HFM1: variants seen among roughly 807,000 people sequenced by gnomAD.
HFM1 encodes the protein probable ATP-dependent DNA helicase HFM1.
A neutral mutation model predicts 192.1 loss-of-function variants in HFM1; 169 were observed. That is an observed-to-expected ratio of 0.88 (90% CI 0.78 to 1.00). HFM1 has a LOEUF of 1.00. Ranked by LOEUF, HFM1 falls within the 50% of genes least tolerant of loss-of-function variation. The pLI, the probability that HFM1 is intolerant of heterozygous loss-of-function variation, is 0.00. For synonymous variants in HFM1, 525 were observed against 537.8 expected, an observed-to-expected ratio of 0.98 and a Z score of 0.33; for missense variants, 1,661 against 1,668.0, an observed-to-expected ratio of 1.00 and a Z score of 0.07.
At position 91,323,108 on chromosome 1, in the gene HFM1, T is replaced by C. The variant is rs1162936513; in HGVS notation, c.2519A>G (p.Asn840Ser). ...KTLNTLNKDP[N>S]RITIRFPMEG... ...ATTTCTGTACCTGATAGTTATCCGA[T>C]TTGGATCTTTGTTCAAAGTATTCAG... The change falls in exon 22 of 39, where the codon AAT becomes AGT. Residue 840 changes from asparagine to serine, a missense_variant. By Grantham distance (46) the Asn-to-Ser change is conservative (BLOSUM62 1). Coordinates refer to ENST00000370425, the MANE Select transcript of HFM1 (RefSeq NM_001017975.6). 4 of 1,558,508 alleles carry C rather than the reference T, an allele frequency of 2.6e-6. No homozygotes were observed. The highest frequency in any genetic ancestry group is 2.3e-5 in the East Asian group (1 of 44,128).
intron 30 of HFM1, among the ~76,000 whole-genome samples, 161 bp from the exon 31 acceptor site, chr1:91,277,223 A>C (rs79532654): frequency 6.6e-6 from 1 of 150,848 alleles, no homozygotes; most frequent in Non-Finnish European, 1.5e-5. Flanking sequence ...TTTTTTTTTA[A>C]TAAAGAGATA....
intron 30 of HFM1, among the ~76,000 whole-genome samples, chr1:91,283,637 G>T (rs1667663772): frequency 6.6e-6 from 1 of 152,000 alleles, no homozygotes; most frequent in Non-Finnish European, 1.5e-5. Flanking sequence ...TATTTTCATA[G>T]TTTTGCCACA....
At chr1:91,323,226 T>A in intron 21 of HFM1, 27 bp from the exon 22 acceptor site, 1 of 1,173,050 alleles carries the variant, frequency 8.5e-7, no homozygotes, top group Non-Finnish European at 1.3e-6. Flanking sequence ...GTTGTCCATT[T>A]AATGAAGTCT....
intron 11 of HFM1, chr1:91,377,402 C>T (rs1205922785): frequency 6.6e-6 from 1 of 151,742 alleles, no homozygotes; most frequent in African/African-American, 2.4e-5. Context: ...TTATAGTAGG[C>T]TGAGAAGTAA....
intron 7 of HFM1, among the ~76,000 whole-genome samples, chr1:91,380,528 C>A (rs924344178): frequency 7.2e-5 from 11 of 152,064 alleles, no homozygotes; most frequent in Non-Finnish European, 1.2e-4. Flanking sequence ...CCAAGGAAGG[C>A]AGATCACTTG....
intron 36 of HFM1, among the ~76,000 whole-genome samples, chr1:91,264,361 A>ATTTTCTTTTTTTTTTT (rs1665484331): frequency 1.8e-5 from 1 of 57,058 alleles, no homozygotes. Flanking sequence ...CAAATTTAGT[A>ATTTTCTTTTTTTTTTT]TTTTTTTTTT....
intron 28 of HFM1, among the ~76,000 whole-genome samples, chr1:91,314,741 A>C (rs189216595): frequency 1.3e-5 from 2 of 152,336 alleles, no homozygotes; most frequent in East Asian, 3.9e-4. Flanking sequence ...TTTGTATCTA[A>C]TAACATCACA....
intron 16 of HFM1, 79 bp from the exon 17 acceptor site, chr1:91,351,722 A>G (rs1656962823): frequency 3.0e-6 from 2 of 664,174 alleles, no homozygotes; most frequent in South Asian, 2.1e-5. Flanking sequence ...GAAGACTTCC[A>G]TTTTATATTA....
intron 34 of HFM1, among the ~76,000 whole-genome samples, chr1:91,273,051 C>G (rs147635614): frequency 6.6e-6 from 1 of 152,004 alleles, no homozygotes; most frequent in African/African-American, 2.4e-5. Flanking sequence ...AAATTATGCT[C>G]TATTAATTGC....
intron 20 of HFM1, among the ~76,000 whole-genome samples, chr1:91,336,820 T>C (rs1184122207): frequency 6.6e-6 from 1 of 152,096 alleles, no homozygotes; most frequent in Non-Finnish European, 1.5e-5. Context: ...ATCAAAGACA[T>C]GGAATCAACC....
chr1:91,387,005 A>G (rs1469382285), intron 4 of HFM1, among the ~76,000 whole-genome samples: 1 of 152,234 alleles, frequency 6.6e-6, no homozygotes. Flanking sequence ...ACAAGGAAAC[A>G]CTTTATGACT....
intron 3 of HFM1, among the ~76,000 whole-genome samples, chr1:91,395,976 G>A (rs2102165766): frequency 6.6e-6 from 1 of 151,992 alleles, no homozygotes; most frequent in African/African-American, 2.4e-5. Context: ...AGCCTCCCGA[G>A]TAGCTGGGAC....
chr1:91,351,368 C>A (rs1476381218), intron 17 of HFM1, among the ~76,000 whole-genome samples, 181 bp downstream of exon 17: 1 of 151,690 alleles, frequency 6.6e-6, no homozygotes, highest in Non-Finnish European at 1.5e-5. Flanking sequence ...AAAACTAGTA[C>A]CTTTTAAAAA....
At chr1:91,318,146 G>A (rs1651535112) in intron 25 of HFM1, among the ~76,000 whole-genome samples, 1 of 152,022 alleles carries the variant, frequency 6.6e-6, no homozygotes, top group Non-Finnish European at 1.5e-5. Context: ...GTGGTATTTG[G>A]TTGCCAGGAC....
chr1:91,323,097 T>G lies in HFM1; in HGVS notation c.2530A>C (p.Ile844Leu), dbSNP rs200915273. 1 of 1,516,108 alleles carries G rather than the reference T, an allele frequency of 6.6e-7. No individual in the cohort carries two copies. The highest frequency in any genetic ancestry group is 9.1e-7 in the Non-Finnish European group (1 of 1,101,526). 93.9% of individuals were successfully genotyped at this position (1,516,108 alleles called of 1,614,324 possible). ...TLNKDPNRIT[I>L]RFPMEGRIKT... is the part of the protein sequence containing the mutation. ...AAACATATGTAATTTCTGTACCTGA[T>G]AGTTATCCGATTTGGATCTTTGTTC... is the stretch of plus-strand genomic sequence containing the variant. The change falls in exon 22 of 39, where the codon ATC becomes CTC. Residue 844 changes from isoleucine to leucine, a missense_variant. Coordinates refer to ENST00000370425, the MANE Select transcript of HFM1 (RefSeq NM_001017975.6).
rs199706175 is a variant in HFM1 at position 91,323,860 on chromosome 1, AT to A, written c.2428-662del. 1.3e-3 allele frequency among the ~76,000 whole-genome samples: 200 copies of A among 152,128 alleles called. 1 individual carries two copies. Among genetic ancestry groups the A allele is most frequent in the African/African-American group, 4.7e-3 (195 of 41,504 alleles). ...GTTTACACAAAAATACAAACCTTCT[AT>A]TTTTCATCAATTGTTGTTTATGTGA... On this transcript the variant is annotated intron_variant, in intron 21 of 38. Coordinates refer to ENST00000370425, the MANE Select transcript of HFM1 (RefSeq NM_001017975.6).
intron 30 of HFM1, among the ~76,000 whole-genome samples, chr1:91,292,191 GT>G (rs1482268200): frequency 6.6e-6 from 1 of 151,246 alleles, no homozygotes; most frequent in Admixed American, 6.6e-5. Flanking sequence ...AGTGTTGGAA[GT>G]TCTGGCCAGG....
chr1:91,356,541 C>T (rs1657765415), intron 13 of HFM1, among the ~76,000 whole-genome samples: 1 of 151,522 alleles, frequency 6.6e-6, no homozygotes, highest in African/African-American at 2.4e-5. Context: ...AACATTATAC[C>T]TACAGGAGCT....
chr1:91,402,506 A>G (rs1376242418), intron 1 of HFM1, among the ~76,000 whole-genome samples: 1 of 152,176 alleles, frequency 6.6e-6, no homozygotes, highest in Non-Finnish European at 1.5e-5. Context: ...TAAATGTCTA[A>G]AACAATTTGA....
Sources: allele counts gnomAD v4.1 joint callset (sites outside exome capture counted in the v4.1 genomes callset), GRCh38; gene constraint gnomAD v4.1.1; transcripts MANE v1.5; gene names NCBI Gene and HGNC (gene_info 2026-07-23, HGNC 2026-07-21).